Variants in PPFIA1 observed in about 807,000 individuals in gnomAD.
The protein encoded by PPFIA1 is liprin-alpha-1.
Under a neutral mutation model 149.9 loss-of-function variants are expected in PPFIA1, and 25 were observed. The observed-to-expected ratio is 0.17, with a 90% CI of 0.12 to 0.23. PPFIA1 has a LOEUF of 0.23. Among genes scored for constraint, PPFIA1 ranks in the 10% least tolerant of loss-of-function variants. The probability of loss-of-function intolerance (pLI) is 1.00; values close to 1 mark genes in which losing one functional copy is unlikely to be tolerated. For synonymous variants in PPFIA1, 549 were observed against 552.8 expected, an observed-to-expected ratio of 0.99 and a Z score of 0.10; for missense variants, 1,362 against 1,506.5, an observed-to-expected ratio of 0.90 and a Z score of 1.59.
intron 9 of PPFIA1, 61 bp from the exon 10 acceptor site, chr11:70,333,409 A>G (rs2054787568): frequency 1.5e-6 from 2 of 1,329,252 alleles, no homozygotes; most frequent in South Asian, 1.2e-5. Context: ...CTGCAGTGGT[A>G]TGCAGCATGT....
chr11:70,351,831 C>T (rs2056073397), intron 16 of PPFIA1, among the ~76,000 whole-genome samples: 1 of 152,286 alleles, frequency 6.6e-6, no homozygotes, highest in African/African-American at 2.4e-5. Context: ...CACCATCTAG[C>T]CTTACTTGTC....
intron 2 of PPFIA1, among the ~76,000 whole-genome samples, chr11:70,315,885 C>T (rs1419780438): frequency 2.0e-5 from 3 of 151,964 alleles, no homozygotes; most frequent in Non-Finnish European, 4.4e-5. Context: ...TCACCCTCCC[C>T]ACCCAGCGTT....
At chr11:70,332,397 C>T (rs2054720940) in intron 9 of PPFIA1, among the ~76,000 whole-genome samples, 1 of 152,086 alleles carries the variant, frequency 6.6e-6, no homozygotes, top group Non-Finnish European at 1.5e-5. Context: ...ATAGAAGTCT[C>T]TGTAAAAGAA....
chr11:70,295,820 G>A (rs1200414156), intron 2 of PPFIA1, among the ~76,000 whole-genome samples: 1 of 151,768 alleles, frequency 6.6e-6, no homozygotes, highest in Admixed American at 6.5e-5. Flanking sequence ...CGGCTGCTGG[G>A]CGGAGACGCT....
intron 19 of PPFIA1, 71 bp downstream of exon 19, chr11:70,356,325 T>C: frequency 9.0e-7 from 1 of 1,112,486 alleles, no homozygotes. Context: ...CTAGTGTTTG[T>C]TAATTATAAT....
intron 15 of PPFIA1, among the ~76,000 whole-genome samples, chr11:70,347,958 G>A (rs1470954729): frequency 1.3e-5 from 2 of 152,140 alleles, no homozygotes; most frequent in Non-Finnish European, 2.9e-5. Flanking sequence ...AGCCGAGATC[G>A]CGCCACTGCA....
Position 70,326,524 on chromosome 11 carries a change from A to G in PPFIA1, c.709-73A>G, listed in dbSNP as rs1565398163. The G allele has an allele frequency of 2.9e-6, 4 of 1,377,182 alleles. No individual in the cohort carries two copies. In the African/African-American group the frequency reaches 4.4e-5, roughly 15 times the overall value. 85.3% of individuals were successfully genotyped at this position (1,377,182 alleles called of 1,614,324 possible). ...GCATAAGTCAGTTTTGATTTTAGCTATTTCCTGGAAGTATTTTTATTTTAT... is the reference window on the plus strand; with the variant it reads ...GCATAAGTCAGTTTTGATTTTAGCTGTTTCCTGGAAGTATTTTTATTTTAT... On this transcript the variant is annotated intron_variant, in intron 6 of 27. Coordinates refer to ENST00000253925, the MANE Select transcript of PPFIA1 (RefSeq NM_003626.5).
At chr11:70,296,410 C>T (rs2052022583) in intron 2 of PPFIA1, among the ~76,000 whole-genome samples, 1 of 152,148 alleles carries the variant, frequency 6.6e-6, no homozygotes, top group South Asian at 2.1e-4. Context: ...CTGAGTGAAC[C>T]AGACACTGTC....
At chr11:70,381,498 C>T (rs1354851711) in intron 26 of PPFIA1, among the ~76,000 whole-genome samples, 4 of 152,222 alleles carry the variant, frequency 2.6e-5, no homozygotes, top group South Asian at 4.1e-4. Flanking sequence ...CCCTGGCCAA[C>T]GCCCCACCCC....
At chr11:70,281,045 T>C (rs1442717390) in intron 2 of PPFIA1, among the ~76,000 whole-genome samples, 1 of 152,352 alleles carries the variant, frequency 6.6e-6, no homozygotes, top group East Asian at 1.9e-4. Context: ...TTTTTTCCTT[T>C]TGTCAAGTAT....
chr11:70,350,905 T>C, intron 16 of PPFIA1: 1 of 625,032 alleles, frequency 1.6e-6, no homozygotes, highest in East Asian at 1.2e-4. Context: ...TATTTTAATA[T>C]ATTTGCTTAT....
At chr11:70,294,426 C>T (rs1366907653) in intron 2 of PPFIA1, among the ~76,000 whole-genome samples, 8 of 152,014 alleles carry the variant, frequency 5.3e-5, no homozygotes, top group Admixed American at 5.2e-4. Context: ...GTCCTTTAGA[C>T]ATGGGACAGA....
intron 10 of PPFIA1, chr11:70,334,601 C>T (rs868725242): frequency 1.3e-5 from 2 of 152,190 alleles, no homozygotes; most frequent in Non-Finnish European, 1.5e-5. Flanking sequence ...TGCGATACTC[C>T]GTATGGCACA....
At chr11:70,305,404 C>T (rs1375636670) in intron 2 of PPFIA1, among the ~76,000 whole-genome samples, 2 of 152,060 alleles carry the variant, frequency 1.3e-5, no homozygotes, top group Non-Finnish European at 2.9e-5. Flanking sequence ...GAGACAAGGT[C>T]TCACTCTGGC....
In PPFIA1 at chr11:70,337,432, T is replaced by G. The variant is rs1258014440; in HGVS notation, c.1491+5T>G. 6.3e-6 allele frequency: 10 copies of G among 1,582,156 alleles called. No individual in the cohort carries two copies. The highest frequency in any genetic ancestry group is 8.6e-6 in the Non-Finnish European group (10 of 1,160,378). ...GAAGAAACACAACACGATAAGGTAC[T>G]GAAATCTTCTCTAAATCCATGAAGA... On this transcript the variant is annotated splice_donor_5th_base_variant and intron_variant, in intron 12 of 27. Coordinates refer to ENST00000253925, the MANE Select transcript of PPFIA1 (RefSeq NM_003626.5).
At position 70,289,453 on chromosome 11, in the gene PPFIA1, A is replaced by G. The variant is rs1048979520; in HGVS notation, c.264+17017A>G. 2.6e-5 allele frequency among the ~76,000 whole-genome samples: 4 copies of G among 152,338 alleles called. No homozygotes were observed. In the East Asian group the frequency reaches 5.8e-4, roughly 22 times the overall value. On this transcript the variant is annotated intron_variant, in intron 2 of 27. Coordinates refer to ENST00000253925, the MANE Select transcript of PPFIA1 (RefSeq NM_003626.5). ...TAACATTGTTTTCCTTATCTATGAT[A>G]TTCATAAAATGGGTTCAGCATTTTA... is the stretch of plus-strand genomic sequence containing the variant.
intron 2 of PPFIA1, among the ~76,000 whole-genome samples, chr11:70,295,259 G>A (rs2051842232): frequency 7.5e-6 from 1 of 132,724 alleles, no homozygotes; most frequent in African/African-American, 3.4e-5. Flanking sequence ...CCTCCCGGAC[G>A]GGGTGGCTGG....
chr11:70,295,822 G>C (rs1245113470), intron 2 of PPFIA1, among the ~76,000 whole-genome samples: 2 of 151,050 alleles, frequency 1.3e-5, no homozygotes, highest in African/African-American at 4.9e-5. Flanking sequence ...GCTGCTGGGC[G>C]GAGACGCTCC....
intron 2 of PPFIA1, among the ~76,000 whole-genome samples, chr11:70,286,516 G>T (rs1333291141): frequency 6.6e-6 from 1 of 152,154 alleles, no homozygotes; most frequent in Non-Finnish European, 1.5e-5. Flanking sequence ...CTCCCAAAGT[G>T]CTGGGATTAC....
Sources: allele counts gnomAD v4.1 joint callset (sites outside exome capture counted in the v4.1 genomes callset), GRCh38; gene constraint gnomAD v4.1.1; transcripts MANE v1.5; gene names NCBI Gene and HGNC (gene_info 2026-07-23, HGNC 2026-07-21).